NEK11: variants seen among roughly 807,000 people sequenced by gnomAD.
NEK11 encodes the protein serine/threonine-protein kinase Nek11.
A neutral mutation model predicts 80.7 loss-of-function variants in NEK11; 72 were observed. That is an observed-to-expected ratio of 0.89 (90% CI 0.74 to 1.08). The LOEUF (loss-of-function observed/expected upper bound fraction) is 1.08, where lower values mean the gene tolerates loss of function less well. Ranked by LOEUF, NEK11 falls within the 50% of genes least tolerant of loss-of-function variation. NEK11 has a pLI of 0.00. For missense variants in NEK11, 764 were observed against 763.6 expected (o/e 1.00, Z -0.01); for synonymous variants, 251 against 260.7 (o/e 0.96, Z 0.36).
intron 4 of NEK11, among the ~76,000 whole-genome samples, chr3:131,107,574 A>G (rs924181464): frequency 6.6e-6 from 1 of 152,118 alleles, no homozygotes; most frequent in African/African-American, 2.4e-5. Flanking sequence ...AAACTAAATG[A>G]GATATACCAG....
intron 17 of NEK11, among the ~76,000 whole-genome samples, chr3:131,334,877 G>C (rs911429070): frequency 6.6e-6 from 1 of 152,170 alleles, no homozygotes; most frequent in African/African-American, 2.4e-5. Flanking sequence ...AGAAGAAATG[G>C]ATAAATTCCT....
At chr3:131,227,354 C>T (rs952370975) in intron 14 of NEK11, among the ~76,000 whole-genome samples, 5 of 152,118 alleles carry the variant, frequency 3.3e-5, no homozygotes, top group African/African-American at 1.2e-4. Flanking sequence ...ATTGAGTGAA[C>T]ATTTGTATGA....
At chr3:131,043,156 A>G (rs1440030723) in intron 3 of NEK11, among the ~76,000 whole-genome samples, 1 of 152,240 alleles carries the variant, frequency 6.6e-6, no homozygotes, top group Non-Finnish European at 1.5e-5. Context: ...GAAGATGAGG[A>G]AAAACCAGCG....
chr3:131,046,070 G>T (rs1036441084), intron 3 of NEK11, among the ~76,000 whole-genome samples: 1 of 152,078 alleles, frequency 6.6e-6, no homozygotes, highest in African/African-American at 2.4e-5. Context: ...CTGCCATTCT[G>T]TGTCTTTTAA....
intron 5 of NEK11, among the ~76,000 whole-genome samples, chr3:131,121,736 T>A (rs2082412585): frequency 2.6e-5 from 4 of 152,214 alleles, no homozygotes; most frequent in Admixed American, 2.6e-4. Flanking sequence ...GATCTCAGAC[T>A]GCTGTGCTAG....
chr3:131,348,915 G>A (rs2097408167), intron 17 of NEK11, among the ~76,000 whole-genome samples: 2 of 151,952 alleles, frequency 1.3e-5, no homozygotes, highest in African/African-American at 4.8e-5. Context: ...CCTGGCAAGT[G>A]GCAAACAAAA....
At chr3:131,044,443 A>AAAAGG (rs71627025) in intron 3 of NEK11, among the ~76,000 whole-genome samples, 28 of 83,652 alleles carry the variant, frequency 3.3e-4, no homozygotes, top group African/African-American at 1.2e-3. Flanking sequence ...AAAAAAAAAA[A>AAAAGG]GGTGGGGGGG....
intron 17 of NEK11, among the ~76,000 whole-genome samples, chr3:131,347,510 C>T (rs1270136540): frequency 1.3e-5 from 2 of 152,152 alleles, no homozygotes; most frequent in African/African-American, 2.4e-5. Context: ...TTAGAGATTA[C>T]AAGCTTGAAT....
intron 16 of NEK11, among the ~76,000 whole-genome samples, chr3:131,269,398 T>C (rs1360949719): frequency 6.6e-6 from 1 of 152,184 alleles, no homozygotes; most frequent in African/African-American, 2.4e-5. Flanking sequence ...CCTGGTGGCA[T>C]AGGCACCCGA....
At chr3:131,105,162 T>G (rs1333821869) in intron 4 of NEK11, among the ~76,000 whole-genome samples, 8 of 152,372 alleles carry the variant, frequency 5.3e-5, no homozygotes, top group Admixed American at 3.9e-4. Flanking sequence ...TCTTTAACTT[T>G]CTTAATTATC....
chr3:131,322,815 A>G (rs2096910648), intron 17 of NEK11, among the ~76,000 whole-genome samples: 1 of 152,182 alleles, frequency 6.6e-6, no homozygotes, highest in Admixed American at 6.6e-5. Context: ...GCACTGATGA[A>G]GAGGCCCCCG....
chr3:131,221,284 G>T (rs1162814880), intron 14 of NEK11, among the ~76,000 whole-genome samples: 1 of 152,144 alleles, frequency 6.6e-6, no homozygotes, highest in African/African-American at 2.4e-5. Context: ...GACATAAAGT[G>T]CCAGTCATTG....
intron 4 of NEK11, among the ~76,000 whole-genome samples, chr3:131,087,371 G>T (rs898309647): frequency 6.6e-6 from 1 of 151,566 alleles, no homozygotes; most frequent in East Asian, 1.9e-4. Context: ...AGCCTCCCGG[G>T]TAGCTGTGAC....
In NEK11 at chr3:131,127,484, A is replaced by G. The variant is rs556746069; in HGVS notation, c.456-5261A>G. Reference sequence around the variant, plus strand: ...GCACTCCTAGTGCATATAAAAATATATATATATTTTCTATATAGAAAATAT... The same window carrying G: ...GCACTCCTAGTGCATATAAAAATATGTATATATTTTCTATATAGAAAATAT... On this transcript the variant is annotated intron_variant, in intron 5 of 17. Transcript: ENST00000383366. 9.3e-5 allele frequency among the ~76,000 whole-genome samples: 14 copies of G among 150,798 alleles called. No individual in the cohort carries two copies. In the South Asian group the frequency reaches 2.5e-3, roughly 27 times the overall value.
At chr3:131,313,830 G>A (rs189092571) in intron 17 of NEK11, among the ~76,000 whole-genome samples, 38 of 152,238 alleles carry the variant, frequency 2.5e-4, no homozygotes, top group Admixed American at 9.8e-4. Flanking sequence ...TAACAGTTTT[G>A]CCCCACAGGT....
At chr3:131,034,486 G>A (rs1351115261) in intron 3 of NEK11, among the ~76,000 whole-genome samples, 1 of 151,902 alleles carries the variant, frequency 6.6e-6, no homozygotes, top group Non-Finnish European at 1.5e-5. Flanking sequence ...TGCAAGCTCC[G>A]CCTCCCGGCT....
chr3:131,204,443 G>T (rs981533017), intron 14 of NEK11, among the ~76,000 whole-genome samples: 2 of 152,118 alleles, frequency 1.3e-5, no homozygotes, highest in Non-Finnish European at 2.9e-5. Context: ...TTGAAGTGGG[G>T]CAGTCTTGGG....
chr3:131,310,034 A>T (rs1198280012), intron 17 of NEK11, among the ~76,000 whole-genome samples: 2 of 141,374 alleles, frequency 1.4e-5, no homozygotes, highest in Non-Finnish European at 3.1e-5. Flanking sequence ...CAACCTGTAG[A>T]TATGATTACA....
At chr3:131,213,528 A>G (rs2094705504) in intron 14 of NEK11, among the ~76,000 whole-genome samples, 1 of 152,200 alleles carries the variant, frequency 6.6e-6, no homozygotes, top group African/African-American at 2.4e-5. Context: ...AACGAGAAAA[A>G]AGTAAAAGAG....
Sources: gnomAD v4.1 joint callset for allele counts (sites outside exome capture counted in the v4.1 genomes callset) on GRCh38, gnomAD v4.1.1 for gene constraint, MANE v1.5 for transcripts, NCBI Gene and HGNC (gene_info 2026-07-23, HGNC 2026-07-21) for gene names.